Variants in LDHC observed in about 807,000 individuals in gnomAD.
LDHC encodes lactate dehydrogenase C.
A neutral mutation model predicts 30.2 loss-of-function variants in LDHC; 20 were observed. That is an observed-to-expected ratio of 0.66 (90% CI 0.47 to 0.96). The LOEUF (loss-of-function observed/expected upper bound fraction) is 0.96. LDHC is among the 40% of genes least tolerant of loss of function. The pLI, the probability that LDHC is intolerant of heterozygous loss-of-function variation, is 0.00. For missense variants in LDHC, 362 were observed against 394.9 expected (o/e 0.92, Z 0.71); for synonymous variants, 139 against 132.7 (o/e 1.05, Z -0.32).
intron 3 of LDHC, among the ~76,000 whole-genome samples, chr11:18,421,247 G>A (rs969260787): frequency 6.6e-6 from 1 of 151,872 alleles, no homozygotes; most frequent in South Asian, 2.1e-4. Flanking sequence ...AAGACATGGG[G>A]TTTCACCATG....
intron 4 of LDHC, among the ~76,000 whole-genome samples, chr11:18,431,176 G>A (rs1478416938): frequency 6.6e-6 from 1 of 151,510 alleles, no homozygotes; most frequent in Non-Finnish European, 1.5e-5. Context: ...AGCTAATCCA[G>A]GCCAGGCGTG....
chr11:18,425,213 G>T (rs1848140866), intron 3 of LDHC, among the ~76,000 whole-genome samples: 1 of 151,388 alleles, frequency 6.6e-6, no homozygotes, highest in South Asian at 2.1e-4. Flanking sequence ...GTCTTGCTTT[G>T]TTGCCCAGGC....
At chr11:18,426,657 G>T (rs1848167088) in intron 3 of LDHC, among the ~76,000 whole-genome samples, 1 of 151,954 alleles carries the variant, frequency 6.6e-6, no homozygotes, top group Non-Finnish European at 1.5e-5. Flanking sequence ...ACCATGAGAA[G>T]ATAACATATG....
intron 6 of LDHC, among the ~76,000 whole-genome samples, chr11:18,439,836 AC>A (rs1565055747): frequency 4.4e-5 from 6 of 137,408 alleles, no homozygotes; most frequent in South Asian, 2.3e-4. Context: ...AAAAAAAAAA[AC>A]AAAAATTAGC....
At chr11:18,419,662 A>G (rs1867083572) in intron 3 of LDHC, among the ~76,000 whole-genome samples, 1 of 152,246 alleles carries the variant, frequency 6.6e-6, no homozygotes, top group Non-Finnish European at 1.5e-5. Flanking sequence ...ATAGATTTAA[A>G]AATTATCAAA....
At chr11:18,440,171 G>A (rs532730129) in intron 6 of LDHC, among the ~76,000 whole-genome samples, 21 of 146,706 alleles carry the variant, frequency 1.4e-4, no homozygotes, top group Admixed American at 2.0e-4. Flanking sequence ...AAAATTAGCC[G>A]GGTGTGGTGG....
intron 6 of LDHC, among the ~76,000 whole-genome samples, chr11:18,445,542 T>TCCATATAAATC (rs1163970771): frequency 1.3e-5 from 2 of 152,196 alleles, no homozygotes; most frequent in East Asian, 3.8e-4. Flanking sequence ...ATGGTAACTT[T>TCCATATAAATC]CAAGGTGATT....
At chr11:18,432,744 G>C (rs1022668418) in intron 4 of LDHC, among the ~76,000 whole-genome samples, 3 of 152,148 alleles carry the variant, frequency 2.0e-5, no homozygotes, top group Non-Finnish European at 2.9e-5. Context: ...AACTGCTGTT[G>C]CTTTAAAGTT....
intron 5 of LDHC, 111 bp downstream of exon 5, chr11:18,435,024 T>C: frequency 3.0e-6 from 2 of 669,664 alleles, no homozygotes; most frequent in East Asian, 2.9e-5. Flanking sequence ...GTTTAATTTT[T>C]TTGGTATTTC....
chr11:18,432,877 A>G (rs1848292917), intron 4 of LDHC, among the ~76,000 whole-genome samples: 2 of 152,174 alleles, frequency 1.3e-5, no homozygotes, highest in Admixed American at 6.5e-5. Flanking sequence ...AAGACAGCAG[A>G]TAGTTGGTTG....
chr11:18,433,202 A>G (rs535451473), intron 4 of LDHC, among the ~76,000 whole-genome samples: 2 of 152,236 alleles, frequency 1.3e-5, no homozygotes, highest in South Asian at 4.1e-4. Flanking sequence ...CCTGCCCAAC[A>G]TAGTGAAACC....
intron 5 of LDHC, among the ~76,000 whole-genome samples, chr11:18,437,596 C>G (rs1313273644): frequency 2.0e-5 from 3 of 151,896 alleles, no homozygotes; most frequent in African/African-American, 7.3e-5. Flanking sequence ...ACTAAAAATA[C>G]AAAAAATTAG....
intron 6 of LDHC, among the ~76,000 whole-genome samples, chr11:18,445,314 C>T (rs1460859149): frequency 3.3e-5 from 5 of 152,056 alleles, no homozygotes; most frequent in African/African-American, 1.2e-4. Flanking sequence ...TCAGCCTCTC[C>T]AGTAGCTGGG....
chr11:18,432,508 GTTTC>G (rs777474475), intron 4 of LDHC, among the ~76,000 whole-genome samples: 5 of 152,146 alleles, frequency 3.3e-5, no homozygotes, highest in Non-Finnish European at 7.3e-5. Context: ...TAAATTCACT[GTTTC>G]TTTGTTGACT....
At chr11:18,430,981 T>C (rs1235571808) in intron 4 of LDHC, among the ~76,000 whole-genome samples, 3 of 151,594 alleles carry the variant, frequency 2.0e-5, no homozygotes, top group Non-Finnish European at 4.4e-5. Flanking sequence ...GTGGGCAACA[T>C]AGGGAGACCT....
chr11:18,431,769 T>A (rs908715288), intron 4 of LDHC, among the ~76,000 whole-genome samples: 1 of 152,102 alleles, frequency 6.6e-6, no homozygotes, highest in South Asian at 2.1e-4. Flanking sequence ...CAGGCTGGTC[T>A]CAAACTCCTG....
chr11:18,449,286 G>A (rs917220234), intron 7 of LDHC, among the ~76,000 whole-genome samples: 1 of 151,738 alleles, frequency 6.6e-6, no homozygotes, highest in Non-Finnish European at 1.5e-5. Context: ...AAAATGAAAA[G>A]AAAAATAGCC....
At chr11:18,422,421 T>C (rs890374296) in intron 3 of LDHC, among the ~76,000 whole-genome samples, 18 of 151,700 alleles carry the variant, frequency 1.2e-4, no homozygotes, top group Admixed American at 9.9e-4. Flanking sequence ...CCAGGCGTAA[T>C]GGTGCACACC....
chr11:18,430,317 A>AT (rs1445191534), intron 4 of LDHC, among the ~76,000 whole-genome samples: 1 of 151,948 alleles, frequency 6.6e-6, no homozygotes, highest in African/African-American at 2.4e-5. Context: ...TTGTTTATAC[A>AT]TTTTTTTGTT....
Sources: allele counts gnomAD v4.1 joint callset (sites outside exome capture counted in the v4.1 genomes callset), GRCh38; gene constraint gnomAD v4.1.1; transcripts MANE v1.5; gene names NCBI Gene and HGNC (gene_info 2026-07-23, HGNC 2026-07-21).